The following CDIN1 variants were observed in gnomAD, a reference collection of about 807,000 sequenced individuals.
CDIN1 encodes the protein CDAN1-interacting nuclease 1.
CDIN1 carries 33 observed loss-of-function variants against 45.3 expected under a neutral mutation model. The observed-to-expected ratio is 0.73, with a 90% CI of 0.55 to 0.97. The LOEUF (loss-of-function observed/expected upper bound fraction) is 0.97. CDIN1 is among the 50% of genes least tolerant of loss of function. The pLI is 0.00. For missense variants in CDIN1, 303 were observed against 339.4 expected, an observed-to-expected ratio of 0.89 and a Z score of 0.84; for synonymous variants, 118 against 124.4, an observed-to-expected ratio of 0.95 and a Z score of 0.34.
intron 8 of CDIN1, among the ~76,000 whole-genome samples, chr15:36,698,724 T>G (rs1188734930): frequency 2.6e-5 from 4 of 152,114 alleles, no homozygotes; most frequent in Non-Finnish European, 5.9e-5. Context: ...CTAAGCAGCA[T>G]CATTGTCAGA....
intron 1 of CDIN1, chr15:36,641,379 C>G (rs1321059138): frequency 6.6e-6 from 1 of 152,442 alleles, no homozygotes. Context: ...TTCTTCAGGT[C>G]TGTTTCCACA....
chr15:36,626,341 C>T (rs1187525004), intron 1 of CDIN1, among the ~76,000 whole-genome samples: 1 of 149,034 alleles, frequency 6.7e-6, no homozygotes, highest in African/African-American at 2.5e-5. Context: ...CAAACAAAGC[C>T]ACAAAGGGAG....
At chr15:36,593,287 A>G (rs1034384649) in intron 1 of CDIN1, among the ~76,000 whole-genome samples, 4 of 152,112 alleles carry the variant, frequency 2.6e-5, no homozygotes, top group Non-Finnish European at 5.9e-5. Flanking sequence ...AAATGCAACC[A>G]CTCATATCTG....
chr15:36,623,798 A>G (rs1224627976), intron 1 of CDIN1, among the ~76,000 whole-genome samples: 3 of 152,242 alleles, frequency 2.0e-5, no homozygotes, highest in Non-Finnish European at 4.4e-5. Context: ...GCAACTAAGC[A>G]TCTTGTGAAA....
chr15:36,788,570 G>A (rs1482254385), intron 10 of CDIN1, among the ~76,000 whole-genome samples: 3 of 151,928 alleles, frequency 2.0e-5, no homozygotes, highest in African/African-American at 4.8e-5. Flanking sequence ...CTATGAATAC[G>A]AAATAAAAAA....
chr15:36,732,820 G>A (rs1224101423), intron 10 of CDIN1, among the ~76,000 whole-genome samples: 1 of 151,850 alleles, frequency 6.6e-6, no homozygotes, highest in Non-Finnish European at 1.5e-5. Context: ...CTTATCACCA[G>A]TATAAGTTTT....
Position 36,761,483 on chromosome 15 carries a change from C to T in CDIN1, c.717-46841C>T, listed in dbSNP as rs550882511. Among the ~76,000 whole-genome samples the T allele has an allele frequency of 7.2e-5, 11 of 152,272 alleles. No homozygotes were observed. The South Asian group carries it at 2.1e-3, about 29-fold the overall frequency. On this transcript the variant is annotated intron_variant, in intron 10 of 10. Transcript: ENST00000566621. ...AGTTTTCATCAGCCAGCAGATGATACGGTCTTTCTTCTTTGCTGCCACAAG... is the reference window on the plus strand; with the variant it reads ...AGTTTTCATCAGCCAGCAGATGATATGGTCTTTCTTCTTTGCTGCCACAAG...
At chr15:36,669,651 C>T (rs1234634808) in intron 5 of CDIN1, among the ~76,000 whole-genome samples, 1 of 152,126 alleles carries the variant, frequency 6.6e-6, no homozygotes, top group Non-Finnish European at 1.5e-5. Flanking sequence ...CAGGATTCCA[C>T]ATTACATTTA....
chr15:36,617,087 A>G (rs1393169329), intron 1 of CDIN1: 9 of 795,196 alleles, frequency 1.1e-5, no homozygotes, highest in Admixed American at 1.7e-5. Context: ...GCAGAGGACG[A>G]CATGTTGTTT....
At chr15:36,761,150 G>A (rs1314353839) in intron 10 of CDIN1, among the ~76,000 whole-genome samples, 1 of 152,168 alleles carries the variant, frequency 6.6e-6, no homozygotes, top group Non-Finnish European at 1.5e-5. Context: ...TCAGTCTCCA[G>A]TTATAATTCC....
In CDIN1 at chr15:36,645,407, T is replaced by C. The variant is rs1039548785; in HGVS notation, c.212+120T>C. On this transcript the variant is annotated intron_variant, in intron 3 of 10. Coordinates refer to ENST00000566621, the MANE Select transcript of CDIN1 (RefSeq NM_001321759.2). ...TCCCAAGACATTGTGTTTTAAGTAT[T>C]TTATTCAAAACTTTTAGTATGTTTT... 5 of 872,324 alleles carry C rather than the reference T, an allele frequency of 5.7e-6. No individual in the cohort carries two copies. In the African/African-American group the frequency reaches 8.6e-5, roughly 15 times the overall value. The allele number at this position is 872,324 out of a possible 1,614,324, so 54.0% of individuals were successfully genotyped here. A position where few individuals can be genotyped will look rare whatever the true frequency, so the allele number is the denominator to read the frequency against.
chr15:36,696,737 A>G (rs902288688), intron 7 of CDIN1, among the ~76,000 whole-genome samples: 1 of 152,162 alleles, frequency 6.6e-6, no homozygotes, highest in Non-Finnish European at 1.5e-5. Flanking sequence ...AGATTAAAGT[A>G]CATTTAAAAT....
chr15:36,758,447 T>C (rs949993828), intron 10 of CDIN1, among the ~76,000 whole-genome samples: 1 of 152,204 alleles, frequency 6.6e-6, no homozygotes, highest in African/African-American at 2.4e-5. Flanking sequence ...CTCAGTTTCC[T>C]CATTCATAAG....
chr15:36,736,854 C>A (rs931985766), intron 10 of CDIN1, among the ~76,000 whole-genome samples: 1 of 152,076 alleles, frequency 6.6e-6, no homozygotes, highest in Admixed American at 6.6e-5. Context: ...TGCCTCACAC[C>A]CTTTTTAATC....
At chr15:36,682,166 G>C (rs1438306429) in intron 5 of CDIN1, among the ~76,000 whole-genome samples, 10 of 151,970 alleles carry the variant, frequency 6.6e-5, no homozygotes, top group Non-Finnish European at 1.3e-4. Flanking sequence ...AGACCCAGGA[G>C]AACTGATAGT....
intron 5 of CDIN1, among the ~76,000 whole-genome samples, chr15:36,668,727 T>C (rs2140522522): frequency 6.6e-6 from 1 of 152,252 alleles, no homozygotes; most frequent in African/African-American, 2.4e-5. Context: ...CTATTATCAT[T>C]GGTGCATATT....
chr15:36,672,168 G>A (rs997752464), intron 5 of CDIN1, among the ~76,000 whole-genome samples: 3 of 151,796 alleles, frequency 2.0e-5, no homozygotes, highest in Non-Finnish European at 4.4e-5. Flanking sequence ...GAAATAGGGA[G>A]AAAACAGTTT....
chr15:36,722,039 TA>T (rs1225800942), intron 10 of CDIN1, among the ~76,000 whole-genome samples: 1 of 152,142 alleles, frequency 6.6e-6, no homozygotes, highest in African/African-American at 2.4e-5. Flanking sequence ...GTCTAGTGTT[TA>T]AAAACTGTTA....
intron 10 of CDIN1, among the ~76,000 whole-genome samples, chr15:36,728,268 T>G (rs2043710418): frequency 6.6e-6 from 1 of 152,176 alleles, no homozygotes; most frequent in South Asian, 2.1e-4. Flanking sequence ...GACTTAGAAG[T>G]GGGCTTCTCC....
Sources: allele counts gnomAD v4.1 joint callset (sites outside exome capture counted in the v4.1 genomes callset), GRCh38; gene constraint gnomAD v4.1.1; transcripts MANE v1.5; gene names NCBI Gene and HGNC (gene_info 2026-07-23, HGNC 2026-07-21).